The following NXN variants were observed in gnomAD, a reference collection of about 807,000 sequenced individuals.
NXN encodes nucleoredoxin, also known as nucleoredoxin 1.
NXN carries 16 observed loss-of-function variants against 48.6 expected under a neutral mutation model. The observed-to-expected ratio is 0.33, with a 90% CI of 0.22 to 0.50. NXN has a LOEUF of 0.50. Among genes scored for constraint, NXN ranks in the 20% least tolerant of loss-of-function variants. The probability of loss-of-function intolerance (pLI) is 0.98; values close to 1 mark genes in which losing one functional copy is unlikely to be tolerated. For synonymous variants in NXN, 281 were observed against 269.6 expected (o/e 1.04, Z -0.41); for missense variants, 492 against 605.5 (o/e 0.81, Z 1.97).
intron 1 of NXN, among the ~76,000 whole-genome samples, chr17:970,745 G>A (rs562177989): frequency 6.6e-6 from 1 of 152,256 alleles, no homozygotes; most frequent in South Asian, 2.1e-4. Context: ...CTGTGACCCT[G>A]ATCTAATAAT....
chr17:845,129 T>G (rs1203597803), intron 1 of NXN, among the ~76,000 whole-genome samples: 1 of 152,122 alleles, frequency 6.6e-6, no homozygotes, highest in Non-Finnish European at 1.5e-5. Context: ...GTGAGAAAGG[T>G]CAACTTCATA....
At chr17:959,171 G>T in intron 1 of NXN, 1 of 865,744 alleles carries the variant, frequency 1.2e-6, no homozygotes. Context: ...GGCTGGAGAG[G>T]TGGTTCCCCG....
intron 1 of NXN, among the ~76,000 whole-genome samples, chr17:960,022 G>C (rs979416822): frequency 6.6e-6 from 1 of 152,014 alleles, no homozygotes; most frequent in Admixed American, 6.6e-5. Context: ...AACCCGGGGG[G>C]CAGAGGTTGC....
chr17:900,413 C>T (rs2068526529), intron 1 of NXN, among the ~76,000 whole-genome samples: 1 of 152,168 alleles, frequency 6.6e-6, no homozygotes, highest in Non-Finnish European at 1.5e-5. Flanking sequence ...CCAGAGCTGA[C>T]CATCTGGCTT....
At chr17:937,536 G>A (rs1445745479) in intron 1 of NXN, among the ~76,000 whole-genome samples, 1 of 152,174 alleles carries the variant, frequency 6.6e-6, no homozygotes, top group African/African-American at 2.4e-5. Flanking sequence ...GTCATCGAGA[G>A]GAACGCACAC....
chr17:818,003 C>A (rs1359852735), intron 5 of NXN, among the ~76,000 whole-genome samples: 3 of 151,802 alleles, frequency 2.0e-5, no homozygotes, highest in African/African-American at 4.8e-5. Context: ...TCACGCCTGT[C>A]ATCCCAGCAC....
intron 1 of NXN, chr17:896,860 C>CTGGG: frequency 1.8e-6 from 1 of 566,098 alleles, no homozygotes; most frequent in Non-Finnish European, 2.7e-6. Context: ...CCTGACCACC[C>CTGGG]GCCCCCGGCC....
At chr17:805,874 G>A (rs537982999) in intron 5 of NXN, among the ~76,000 whole-genome samples, 5 of 152,104 alleles carry the variant, frequency 3.3e-5, no homozygotes, top group South Asian at 4.2e-4. Flanking sequence ...CTTAGCACAG[G>A]GTCATGGCGC....
At chr17:847,544 C>G (rs2067878034) in intron 1 of NXN, among the ~76,000 whole-genome samples, 2 of 152,154 alleles carry the variant, frequency 1.3e-5, no homozygotes, top group South Asian at 4.1e-4. Context: ...CAGGCGTGTC[C>G]ACAGCTCTGC....
chr17:951,958 C>A (rs1038095968), intron 1 of NXN, among the ~76,000 whole-genome samples: 1 of 152,230 alleles, frequency 6.6e-6, no homozygotes, highest in African/African-American at 2.4e-5. Context: ...GCAGCTCCCG[C>A]CTGCCCTGAC....
At chr17:839,570 G>C (rs745540928) in intron 1 of NXN, among the ~76,000 whole-genome samples, 1 of 151,934 alleles carries the variant, frequency 6.6e-6, no homozygotes, top group Non-Finnish European at 1.5e-5. Context: ...CAGCACTTTG[G>C]GAGGCCAAGG....
intron 1 of NXN, among the ~76,000 whole-genome samples, chr17:891,857 C>A (rs1170192962): frequency 2.3e-5 from 3 of 131,460 alleles, no homozygotes; most frequent in Admixed American, 7.3e-5. Flanking sequence ...ATGTACAGCC[C>A]AACAGGGAAC....
chr17:904,837 C>A (rs2085397217), intron 1 of NXN, among the ~76,000 whole-genome samples: 2 of 152,320 alleles, frequency 1.3e-5, no homozygotes, highest in Non-Finnish European at 2.9e-5. Flanking sequence ...AGCCACCATG[C>A]CCGGCCCTTG....
chr17:862,619 G>T (rs757361761), intron 1 of NXN, among the ~76,000 whole-genome samples: 1 of 152,174 alleles, frequency 6.6e-6, no homozygotes, highest in East Asian at 1.9e-4. Context: ...ACATTCCTAC[G>T]GTCCTAAAGT....
chr17:842,453 G>A, intron 1 of NXN: 3 of 935,136 alleles, frequency 3.2e-6, no homozygotes, highest in Non-Finnish European at 3.8e-6. Context: ...CGTGATCCCG[G>A]CGGGGAAGGC....
intron 1 of NXN, among the ~76,000 whole-genome samples, chr17:831,134 G>A (rs369144956): frequency 1.1e-4 from 16 of 152,172 alleles, no homozygotes; most frequent in African/African-American, 3.6e-4. Context: ...ATGGAAAAGG[G>A]CCAGGTTATA....
At chr17:801,191 C>G in intron 7 of NXN, 60 bp from the exon 8 acceptor site, 4 of 1,348,366 alleles carry the variant, frequency 3.0e-6, no homozygotes, top group Non-Finnish European at 3.9e-6. Flanking sequence ...GGGGAGAGTC[C>G]CCTGGGCCCA....
At chr17:893,210 G>C (rs1043774965) in intron 1 of NXN, among the ~76,000 whole-genome samples, 2 of 152,242 alleles carry the variant, frequency 1.3e-5, no homozygotes, top group African/African-American at 2.4e-5. Flanking sequence ...CAGTGCAGTT[G>C]TATCAGGCCA....
At chr17:826,828 G>T (rs1913129167) in intron 1 of NXN, among the ~76,000 whole-genome samples, 1 of 152,232 alleles carries the variant, frequency 6.6e-6, no homozygotes, top group South Asian at 2.1e-4. Flanking sequence ...TCAGTCTACT[G>T]TCAGATTCTT....
Sources: allele counts gnomAD v4.1 joint callset (sites outside exome capture counted in the v4.1 genomes callset), GRCh38; gene constraint gnomAD v4.1.1; transcripts MANE v1.5; gene names NCBI Gene and HGNC (gene_info 2026-07-23, HGNC 2026-07-21).